The following HYDIN variants were observed in gnomAD, a reference collection of about 807,000 sequenced individuals.
HYDIN encodes the protein HYDIN axonemal central pair apparatus protein, also known as axonemal central pair apparatus protein HYDIN.
Under a neutral mutation model 403.9 loss-of-function variants are expected in HYDIN, and 132 were observed. That is an observed-to-expected ratio of 0.33 (90% CI 0.28 to 0.38). The LOEUF is 0.38. Ranked by LOEUF, HYDIN falls within the 10% of genes least tolerant of loss-of-function variation. The pLI is 1.00. For missense variants in HYDIN, 2,827 were observed against 5,009.5 expected, an observed-to-expected ratio of 0.56 and a Z score of 13.15; for synonymous variants, 1,202 against 1,891.7, an observed-to-expected ratio of 0.64 and a Z score of 9.46.
At chr16:71,137,652 G>A (rs967779830) in intron 7 of HYDIN, among the ~76,000 whole-genome samples, 3 of 152,012 alleles carry the variant, frequency 2.0e-5, no homozygotes. Context: ...CAATCCTACA[G>A]CCTGACCAGG....
intron 35 of HYDIN, among the ~76,000 whole-genome samples, chr16:70,972,780 C>A (rs2078769909): frequency 6.6e-6 from 1 of 152,202 alleles, no homozygotes; most frequent in South Asian, 2.1e-4. Flanking sequence ...TTACCTAATA[C>A]CCTCAGCAGG....
intron 9 of HYDIN, among the ~76,000 whole-genome samples, chr16:71,117,969 G>A (rs1195907056): frequency 6.6e-6 from 1 of 151,934 alleles, no homozygotes; most frequent in South Asian, 2.1e-4. Context: ...ATGATACCTC[G>A]GGCCATTGCT....
intron 1 of HYDIN, among the ~76,000 whole-genome samples, chr16:71,229,825 A>G (rs549994483): frequency 6.6e-6 from 1 of 152,324 alleles, no homozygotes; most frequent in South Asian, 2.1e-4. Flanking sequence ...CAGTAAGTAC[A>G]TGATATGGTT....
chr16:71,058,461 G>A (rs1421004601), intron 18 of HYDIN, among the ~76,000 whole-genome samples: 1 of 76,406 alleles, frequency 1.3e-5, no homozygotes, highest in Non-Finnish European at 2.5e-5. Flanking sequence ...GGGGAGGGGG[G>A]AGGGATAGCA....
chr16:70,844,609 C>A (rs1188494641), intron 75 of HYDIN, among the ~76,000 whole-genome samples: 1 of 140,770 alleles, frequency 7.1e-6, no homozygotes, highest in Non-Finnish European at 1.5e-5. Context: ...ATGGGGATGG[C>A]ATTGAATCTG....
rs190319994 is a variant in HYDIN at position 71,210,960 on chromosome 16, G to C, written c.-24+19602C>G. Reference sequence around the variant, plus strand: ...GCACCAAGGTATAATCTGTAAAAGAGATAAATATAAAATAAAACAATTTAA... The same window carrying C: ...GCACCAAGGTATAATCTGTAAAAGACATAAATATAAAATAAAACAATTTAA... On this transcript the variant is annotated intron_variant, in intron 1 of 85. Coordinates refer to ENST00000393567, the MANE Select transcript of HYDIN (RefSeq NM_001270974.2). Among the ~76,000 whole-genome samples the C allele has an allele frequency of 4.3e-3, 659 of 151,974 alleles. 2 individuals are homozygous for C. Among genetic ancestry groups the C allele is most frequent in the Non-Finnish European group, 6.4e-3 (435 of 67,942 alleles).
At chr16:71,060,065 G>T (rs1010949465) in intron 18 of HYDIN, among the ~76,000 whole-genome samples, 6 of 151,986 alleles carry the variant, frequency 3.9e-5, no homozygotes, top group African/African-American at 1.5e-4. Context: ...TAGCCAAAAG[G>T]ACTCAAATTA....
intron 4 of HYDIN, 103 bp from the exon 5 acceptor site, chr16:71,175,844 G>C (rs1273297924): frequency 8.8e-7 from 1 of 1,139,006 alleles, no homozygotes; most frequent in Non-Finnish European, 1.3e-6. Flanking sequence ...ACCTTGGTCA[G>C]GTCTGAACTT....
intron 23 of HYDIN, among the ~76,000 whole-genome samples, chr16:71,000,558 A>G (rs896552773): frequency 3.3e-5 from 5 of 151,752 alleles, no homozygotes; most frequent in Admixed American, 3.3e-4. Flanking sequence ...ACATGGAGAT[A>G]GCTTTTAAGT....
rs138226884 is a variant in HYDIN at position 71,186,444 on chromosome 16, T to G, written c.135+317A>C. On this transcript the variant is annotated intron_variant, in intron 2 of 85. Transcript: ENST00000393567. Reference sequence around the variant, plus strand: ...ATCCTATGAAATTCTGATATTTGACTGTTTTTGAACTAAACAAATGACAGT... The same window carrying G: ...ATCCTATGAAATTCTGATATTTGACGGTTTTTGAACTAAACAAATGACAGT... 1.9e-3 allele frequency among the ~76,000 whole-genome samples: 294 copies of G among 152,320 alleles called. 1 individual carries two copies. Among genetic ancestry groups the G allele is most frequent in the Non-Finnish European group, 3.1e-3 (210 of 68,016 alleles).
intron 1 of HYDIN, chr16:71,203,703 T>A: frequency 2.2e-6 from 1 of 455,608 alleles, no homozygotes. Context: ...GAATCTCACA[T>A]TTGAATATGA....
chr16:70,981,634 T>C, intron 28 of HYDIN, 66 bp from the exon 29 acceptor site: 1 of 1,464,762 alleles, frequency 6.8e-7, no homozygotes, highest in South Asian at 1.7e-5. Flanking sequence ...ACTCATTAAA[T>C]TACTTAAAAC....
chr16:70,962,751 T>G (rs2078457729), intron 37 of HYDIN, among the ~76,000 whole-genome samples: 1 of 146,842 alleles, frequency 6.8e-6, no homozygotes, highest in Admixed American at 6.8e-5. Flanking sequence ...GGCAAGACAT[T>G]CCCTTTGTCA....
intron 77 of HYDIN, among the ~76,000 whole-genome samples, chr16:70,836,659 G>A (rs2037446482): frequency 6.6e-6 from 1 of 152,184 alleles, no homozygotes; most frequent in African/African-American, 2.4e-5. Flanking sequence ...AGCACCCACT[G>A]GTCACTGTCA....
chr16:70,879,603 A>T lies in HYDIN; in HGVS notation c.10367+2T>A. On this transcript the variant is annotated splice_donor_variant, in intron 61 of 85. Transcript: ENST00000393567. LOFTEE classifies it high-confidence loss of function. The stretch of plus-strand genomic sequence containing the variant: ...AGGGAGCTGGGAGCTGGGAGTTGGT[A>T]CCTGGGCAAGCCATCCAAGGTAGCC... 6.2e-7 allele frequency: 1 copy of T among 1,613,404 alleles called. No homozygotes were observed.
chr16:71,213,101 T>C (rs942742955), intron 1 of HYDIN, among the ~76,000 whole-genome samples: 37 of 151,944 alleles, frequency 2.4e-4, no homozygotes, highest in Non-Finnish European at 8.8e-5. Context: ...GTCCCAAGAA[T>C]AAGGGCAAAT....
chr16:70,818,518 T>G lies in HYDIN; in HGVS notation c.14482A>C (p.Arg4828=). 7.2e-7 allele frequency: 1 copy of G among 1,389,728 alleles called. No homozygotes were observed. The highest frequency in any genetic ancestry group is 2.4e-5 in the East Asian group (1 of 41,688). The allele number at this position is 1,389,728 out of a possible 1,614,324, so 86.1% of individuals were successfully genotyped here. A position where few individuals can be genotyped will look rare whatever the true frequency, so the allele number is the denominator to read the frequency against. ...TTGATGATGCCTGAAGGGATGACCC[T>G]GAAACTCACATTGTAGTACAAGAAC... ...NEFLYYNVSF[R]VIPSGIIKTI... Residue 4828 remains arginine (R), a synonymous_variant, in exon 84 of 86, where the codon AGG becomes CGG. Coordinates refer to ENST00000393567, the MANE Select transcript of HYDIN (RefSeq NM_001270974.2).
intron 18 of HYDIN, among the ~76,000 whole-genome samples, chr16:71,051,645 C>CAAAAAAAAAAAAAAAAAA (rs56676777): frequency 2.7e-4 from 33 of 120,106 alleles, no homozygotes; most frequent in Non-Finnish European, 3.6e-4. Flanking sequence ...GACTCTGTCT[C>CAAAAAAAAAAAAAAAAAA]AAAAAAAAAA....
In HYDIN at chr16:70,805,118, G is replaced by T. The variant is rs1302962885; in HGVS notation, c.*2462C>A. ...AACCTATACCTCTGGTGAATAGGTG[G>T]AAGGAGGCACATTTTGGGGAGGGTT... is the stretch of plus-strand genomic sequence containing the variant. On this transcript the variant is annotated 3_prime_UTR_variant, in exon 86 of 86. Transcript: ENST00000393567. Among the ~76,000 whole-genome samples, 1 of 152,258 alleles carries T rather than the reference G, an allele frequency of 6.6e-6. No individual in the cohort carries two copies. Among genetic ancestry groups the T allele is most frequent in the African/African-American group, 2.4e-5 (1 of 41,476 alleles).
Sources: gnomAD v4.1 joint callset for allele counts (sites outside exome capture counted in the v4.1 genomes callset) on GRCh38, gnomAD v4.1.1 for gene constraint, MANE v1.5 for transcripts, NCBI Gene and HGNC (gene_info 2026-07-23, HGNC 2026-07-21) for gene names.